The following MAT2B variants were observed in gnomAD, a reference collection of about 807,000 sequenced individuals.
The protein encoded by MAT2B is methionine adenosyltransferase 2 non-catalytic beta subunit.
MAT2B carries 16 observed loss-of-function variants against 36.1 expected under a neutral mutation model. The observed-to-expected ratio is 0.44, with a 90% CI of 0.30 to 0.67. The LOEUF (loss-of-function observed/expected upper bound fraction) is 0.67, where lower values mean the gene tolerates loss of function less well. Ranked by LOEUF, MAT2B falls within the 30% of genes least tolerant of loss-of-function variation. The probability of loss-of-function intolerance (pLI) is 0.09; values close to 1 mark genes in which losing one functional copy is unlikely to be tolerated. For synonymous variants in MAT2B, 148 were observed against 136.9 expected (o/e 1.08, Z -0.57); for missense variants, 332 against 398.2 (o/e 0.83, Z 1.42).
At chr5:163,508,725 C>T (rs1041017076) in intron 1 of MAT2B, among the ~76,000 whole-genome samples, 3 of 151,944 alleles carry the variant, frequency 2.0e-5, no homozygotes, top group Non-Finnish European at 2.9e-5. Context: ...TCGAGCGATT[C>T]TCCTGCCTCA....
chr5:163,513,755 T>G, intron 3 of MAT2B, 86 bp downstream of exon 3: 1 of 1,511,800 alleles, frequency 6.6e-7, no homozygotes. Flanking sequence ...GGTTATTTGT[T>G]TTTATATATC....
At chr5:163,513,290 A>G in intron 2 of MAT2B, 1 of 309,658 alleles carries the variant, frequency 3.2e-6, no homozygotes, top group Non-Finnish European at 6.1e-6. Flanking sequence ...ACACCAGAGT[A>G]GAAATACAGT....
intron 4 of MAT2B, among the ~76,000 whole-genome samples, chr5:163,515,166 A>C (rs994196192): frequency 3.3e-5 from 5 of 152,254 alleles, no homozygotes; most frequent in Admixed American, 6.5e-5. Flanking sequence ...AAGTTTCAAC[A>C]TGAATTTTTG....
intron 4 of MAT2B, among the ~76,000 whole-genome samples, chr5:163,515,753 T>C (rs1248839782): frequency 6.7e-6 from 1 of 149,042 alleles, no homozygotes; most frequent in Non-Finnish European, 1.5e-5. Context: ...ACTTAACAAA[T>C]GTGGTTTTGC....
upstream of MAT2B, chr5:163,505,617 C>T: frequency 2.4e-6 from 3 of 1,249,784 alleles, no homozygotes; most frequent in Non-Finnish European, 3.0e-6. Flanking sequence ...GGCGTCTGAG[C>T]TGAGGCCCGC....
At chr5:163,511,899 A>G (rs997630032) in intron 1 of MAT2B, 103 bp from the exon 2 acceptor site, 9 of 872,594 alleles carry the variant, frequency 1.0e-5, no homozygotes, top group Non-Finnish European at 1.4e-5. Flanking sequence ...ATGAGTCAAA[A>G]TACGTAGAAT....
At chr5:163,510,262 A>G (rs1052585720) in intron 1 of MAT2B, among the ~76,000 whole-genome samples, 41 of 152,132 alleles carry the variant, frequency 2.7e-4, no homozygotes, top group African/African-American at 8.5e-4. Context: ...ATGCTTGGAA[A>G]CATAGAATTT....
chr5:163,510,533 T>C (rs1321475076), intron 1 of MAT2B, among the ~76,000 whole-genome samples: 2 of 151,944 alleles, frequency 1.3e-5, no homozygotes, highest in Non-Finnish European at 1.5e-5. Context: ...TAGCTGGGAT[T>C]ACAGGCACCT....
intron 1 of MAT2B, among the ~76,000 whole-genome samples, 167 bp from the exon 2 acceptor site, chr5:163,511,834 TG>T (rs1247119347): frequency 1.3e-5 from 2 of 152,230 alleles, no homozygotes; most frequent in African/African-American, 4.8e-5. Flanking sequence ...ATTACAGGCA[TG>T]AGCCTGATGC....
chr5:163,516,681 G>T lies in MAT2B; in HGVS notation c.690G>T (p.Val230=), dbSNP rs746260090. The change falls in exon 5 of 7, where the codon GTG becomes GTT. Residue 230 remains valine (V), a synonymous_variant. Coordinates refer to ENST00000321757, the MANE Select transcript of MAT2B (RefSeq NM_013283.5). The part of the protein sequence containing the change: ...FPTHVKDVAT[V]CRQLAEKRML... ...CACATGTCAAAGATGTGGCCACTGT[G>T]TGCCGGCAGCTAGCAGAGAAGAGAA... The T allele has an allele frequency of 2.5e-6, 4 of 1,614,072 alleles. No individual in the cohort carries two copies. The highest frequency in any genetic ancestry group is 1.3e-5 in the African/African-American group (1 of 74,916).
At chr5:163,518,047 A>C (rs1297941134) in intron 6 of MAT2B, 146 bp from the exon 7 acceptor site, 3 of 574,704 alleles carry the variant, frequency 5.2e-6, no homozygotes, top group Non-Finnish European at 8.8e-6. Context: ...GAGCCCAGGA[A>C]TTTGAGACTA....
chr5:163,505,660 T>A lies in MAT2B; in HGVS notation c.-27T>A. On this transcript the variant is annotated 5_prime_UTR_variant, in exon 1 of 7. Transcript: ENST00000321757. The stretch of plus-strand genomic sequence containing the variant: ...CTGGGTTGGAGGAGGTGGCGGCCGC[T>A]GAGGCTGCGGCGTGAAGACGGCGGG... 1 of 1,271,870 alleles carries A rather than the reference T, an allele frequency of 7.9e-7. No individual in the cohort carries two copies. Among genetic ancestry groups the A allele is most frequent in the Non-Finnish European group, 1.0e-6 (1 of 1,001,604 alleles). 78.8% of individuals were successfully genotyped at this position (1,271,870 alleles called of 1,614,324 possible).
Position 163,512,190 on chromosome 5 carries a change from T to C in MAT2B, c.252T>C (p.Asp84=), listed in dbSNP as rs370330528. 6.2e-7 allele frequency: 1 copy of C among 1,612,634 alleles called. No homozygotes were observed. The highest frequency in any genetic ancestry group is 1.3e-5 in the African/African-American group (1 of 75,030). Residue 84 remains aspartate (D), a synonymous_variant, in exon 2 of 7, where the codon GAT becomes GAC. Transcript: ENST00000321757. ...ATGCAGTTCATCACATCATTCATGA[T>C]TTTCAGGTATGATTTAGGTTATTTT... is the stretch of plus-strand genomic sequence containing the variant. ...DSNAVHHIIH[D]FQPHVIVHCA... is the part of the protein sequence containing the mutation.
chr5:163,512,064 A>G lies in MAT2B; in HGVS notation c.126A>G (p.Arg42=). ...CTGGTGCCACTGGGCTTCTTGGCAG[A>G]GCTGTACACAAAGAATTTCAGCAGA... is the stretch of plus-strand genomic sequence containing the variant. The part of the protein sequence containing the change: ...LVTGATGLLG[R]AVHKEFQQNN... Residue 42 remains arginine (R), a synonymous_variant, in exon 2 of 7, where the codon AGA becomes AGG. Coordinates refer to ENST00000321757, the MANE Select transcript of MAT2B (RefSeq NM_013283.5). The G allele has an allele frequency of 6.2e-7, 1 of 1,614,206 alleles. No homozygotes were observed. Among genetic ancestry groups the G allele is most frequent in the East Asian group, 2.2e-5 (1 of 44,888 alleles).
chr5:163,516,781 G>A lies in MAT2B; in HGVS notation c.720+70G>A, dbSNP rs1760140430. On this transcript the variant is annotated intron_variant, in intron 5 of 6. Transcript: ENST00000321757. ...TCTTTTCCATGCTTGAACTTTCACAGCTGTACTTGGAGTGTTACTGAGTGA... is the reference window on the plus strand; with the variant it reads ...TCTTTTCCATGCTTGAACTTTCACAACTGTACTTGGAGTGTTACTGAGTGA... The A allele has an allele frequency of 1.9e-6, 3 of 1,542,530 alleles. No individual in the cohort carries two copies. The African/African-American group carries it at 4.1e-5, about 21-fold the overall frequency.
Position 163,518,260 on chromosome 5 carries a change from A to T in MAT2B, c.902A>T (p.Glu301Val), listed in dbSNP as rs778329584. The T allele has an allele frequency of 2.5e-6, 4 of 1,613,942 alleles. No individual in the cohort carries two copies. The South Asian group carries it at 4.4e-5, about 18-fold the overall frequency. ...GCTCAGCTTGACTGCTCCAAATTGG[A>T]GACCTTGGGCATTGGCCAACGAACA... is the stretch of plus-strand genomic sequence containing the variant. ...RNAQLDCSKLETLGIGQRTPF... is the reference protein window; with the variant it reads ...RNAQLDCSKLVTLGIGQRTPF... The change falls in exon 7 of 7, where the codon GAG (glutamate) becomes GTG (valine). Residue 301 changes from glutamate (E) to valine (V), a missense_variant. Glu to Val is a moderately radical substitution (Grantham distance 121). Transcript: ENST00000321757.
At chr5:163,503,328 ACCCAGCAAG>A, upstream of MAT2B, 1 of 1,482,458 alleles carries the variant, frequency 6.7e-7, no homozygotes, top group Non-Finnish European at 9.4e-7. Flanking sequence ...GCGAACAAAG[ACCCAGCAAG>A]AGAAGGCAGA....
intron 1 of MAT2B, among the ~76,000 whole-genome samples, chr5:163,511,602 T>TA (rs1561656758): frequency 1.3e-5 from 2 of 152,036 alleles, no homozygotes; most frequent in African/African-American, 2.4e-5. Context: ...TCTTAAGTGA[T>TA]ACAGTTTTTT....
Position 163,512,016 on chromosome 5 carries a change from C to T in MAT2B, c.78C>T (p.Ile26=). Reference sequence around the variant, plus strand: ...TCACCTTTTAGGAGGAAGTTAACATCCCTAATAGGAGGGTTCTGGTTACTG... The same window carrying T: ...TCACCTTTTAGGAGGAAGTTAACATTCCTAATAGGAGGGTTCTGGTTACTG... ...SCRLVEEEVN[I]PNRRVLVTGA... Residue 26 remains isoleucine, a synonymous_variant, in exon 2 of 7, where the codon ATC becomes ATT. Coordinates refer to ENST00000321757, the MANE Select transcript of MAT2B (RefSeq NM_013283.5). 3 of 1,612,416 alleles carry T rather than the reference C, an allele frequency of 1.9e-6. No individual in the cohort carries two copies. The highest frequency in any genetic ancestry group is 1.1e-5 in the South Asian group (1 of 90,738).
Sources: allele counts gnomAD v4.1 joint callset (sites outside exome capture counted in the v4.1 genomes callset), GRCh38; gene constraint gnomAD v4.1.1; transcripts MANE v1.5; gene names NCBI Gene and HGNC (gene_info 2026-07-23, HGNC 2026-07-21).